The following KCNN2 variants were observed in gnomAD, a reference collection of about 807,000 sequenced individuals.
KCNN2 encodes the protein potassium calcium-activated channel subfamily N member 2.
KCNN2 carries 24 observed loss-of-function variants against 55.5 expected under a neutral mutation model. The observed-to-expected ratio is 0.43, with a 90% CI of 0.31 to 0.61. The LOEUF is 0.61. KCNN2 is among the 20% of genes least tolerant of loss of function. KCNN2 has a pLI of 0.08. For synonymous variants in KCNN2, 431 were observed against 336.1 expected (o/e 1.28, Z -3.09); for missense variants, 754 against 853.6 (o/e 0.88, Z 1.45).
Position 114,243,462 on chromosome 5 carries a change from G to A in KCNN2, c.-185+21897G>A, listed in dbSNP as rs138529400. ...GCAGTGTCTGGCCCCATCTTGCCCC[G>A]TACCTGAACCACCCCTTTGTCCAGC... On this transcript the variant is annotated intron_variant, in intron 2 of 10. Coordinates refer to the KCNN2 transcript ENST00000512097. Among the ~76,000 whole-genome samples, 20 of 139,532 alleles carry A rather than the reference G, an allele frequency of 1.4e-4. No individual in the cohort carries two copies. In the East Asian group the frequency reaches 3.1e-3, roughly 21 times the overall value. The allele number at this position is 139,532 out of a possible 152,430, so 91.5% of individuals were successfully genotyped here.
At chr5:114,183,299 C>T (rs1753272741) in intron 1 of KCNN2, among the ~76,000 whole-genome samples, 1 of 151,972 alleles carries the variant, frequency 6.6e-6, no homozygotes, top group Non-Finnish European at 1.5e-5. Flanking sequence ...TCATGACTGT[C>T]ATTGGTCCAT....
intron 2 of KCNN2, among the ~76,000 whole-genome samples, chr5:114,399,934 T>G (rs1758735873): frequency 6.6e-6 from 1 of 150,876 alleles, no homozygotes; most frequent in South Asian, 2.1e-4. Flanking sequence ...TTTTTTGTTT[T>G]TTTTTTTTGT....
At chr5:114,274,341 A>T (rs1755436411) in intron 2 of KCNN2, among the ~76,000 whole-genome samples, 1 of 26,690 alleles carries the variant, frequency 3.7e-5, no homozygotes, top group South Asian at 1.7e-3. Context: ...CTTCATATGA[A>T]GTTTAAAGTA....
At chr5:114,300,974 G>A (rs947807057) in intron 2 of KCNN2, among the ~76,000 whole-genome samples, 6 of 151,940 alleles carry the variant, frequency 3.9e-5, no homozygotes, top group Non-Finnish European at 8.8e-5. Context: ...AAATACAAGC[G>A]AAAGCTGAAA....
rs546423916 is a variant in KCNN2 at position 114,323,809 on chromosome 5, C to T, written c.-184-37136C>T. On this transcript the variant is annotated intron_variant, in intron 2 of 10. Coordinates refer to the KCNN2 transcript ENST00000512097. The stretch of plus-strand genomic sequence containing the variant: ...GACTACAGGCATGTGCCACCATGCC[C>T]AGCTAATTTTTGTAGTTTTAGTAGA... Among the ~76,000 whole-genome samples, 209 of 151,772 alleles carry T rather than the reference C, an allele frequency of 1.4e-3. 1 individual carries two copies. The highest frequency in any genetic ancestry group is 4.9e-3 in the African/African-American group (202 of 41,388).
intron 2 of KCNN2, among the ~76,000 whole-genome samples, chr5:114,384,846 G>A (rs554643865): frequency 1.3e-5 from 2 of 152,238 alleles, no homozygotes; most frequent in South Asian, 4.1e-4. Flanking sequence ...AAGGGAGTGG[G>A]AGCCTACGTG....
intron 2 of KCNN2, among the ~76,000 whole-genome samples, chr5:114,233,734 A>G (rs1270735843): frequency 6.6e-6 from 1 of 152,224 alleles, no homozygotes; most frequent in African/African-American, 2.4e-5. Context: ...CACAATGAGA[A>G]CACAATGAGA....
chr5:114,444,747 A>C (rs890190442), intron 3 of KCNN2, among the ~76,000 whole-genome samples: 11 of 152,144 alleles, frequency 7.2e-5, no homozygotes, highest in African/African-American at 2.7e-4. Context: ...ATGAGAGAGC[A>C]CCATTTGGGT....
At chr5:114,088,845 T>A (rs1259585942) in intron 1 of KCNN2, among the ~76,000 whole-genome samples, 1 of 152,174 alleles carries the variant, frequency 6.6e-6, no homozygotes, top group African/African-American at 2.4e-5. Context: ...GGTCTCGAAC[T>A]CCTGACCTCA....
chr5:114,382,316 C>T (rs988989923), intron 2 of KCNN2, among the ~76,000 whole-genome samples: 3 of 152,184 alleles, frequency 2.0e-5, no homozygotes, highest in African/African-American at 7.2e-5. Flanking sequence ...CCGTCAGTGT[C>T]ACCTCTTTCC....
At chr5:114,245,840 T>C (rs1195027203) in intron 2 of KCNN2, among the ~76,000 whole-genome samples, 1 of 152,226 alleles carries the variant, frequency 6.6e-6, no homozygotes, top group Admixed American at 6.5e-5. Context: ...ACATATCTTA[T>C]GTGCTAAGCC....
intron 1 of KCNN2, among the ~76,000 whole-genome samples, chr5:114,144,770 T>C (rs1408205588): frequency 2.7e-5 from 4 of 146,016 alleles, no homozygotes; most frequent in African/African-American, 1.0e-4. Flanking sequence ...GGATTCCATA[T>C]AGACAGTGTA....
intron 6 of KCNN2, chr5:114,490,652 C>G (rs952212715): frequency 3.3e-5 from 13 of 397,892 alleles, no homozygotes; most frequent in African/African-American, 6.2e-5. Context: ...AGTTTCTTTT[C>G]TTTTGTTTTG....
intron 2 of KCNN2, among the ~76,000 whole-genome samples, chr5:114,246,616 C>T (rs1754752899): frequency 6.6e-6 from 1 of 152,022 alleles, no homozygotes; most frequent in South Asian, 2.1e-4. Flanking sequence ...AGCTACTGTA[C>T]CTTTATTTAA....
At chr5:114,435,523 CACTCTAAACAAA>C (rs1759973293) in intron 3 of KCNN2, among the ~76,000 whole-genome samples, 3 of 151,890 alleles carry the variant, frequency 2.0e-5, no homozygotes, top group Admixed American at 2.0e-4. Context: ...GATTGTGTCT[CACTCTAAACAAA>C]ACTCCTTTTG....
chr5:114,381,314 G>C (rs1758118919), intron 2 of KCNN2, among the ~76,000 whole-genome samples: 1 of 152,180 alleles, frequency 6.6e-6, no homozygotes, highest in Non-Finnish European at 1.5e-5. Context: ...ATCATTGGTT[G>C]AAATCATTGC....
chr5:114,375,692 G>T (rs1457762), intron 2 of KCNN2, among the ~76,000 whole-genome samples: 59,787 of 151,476 alleles, frequency 0.39, 12,092 homozygotes, highest in African/African-American at 0.44. Flanking sequence ...TCATCAGTAG[G>T]ATTTTAGTCA....
At chr5:114,230,230 G>C (rs945730150) in intron 2 of KCNN2, among the ~76,000 whole-genome samples, 3 of 150,938 alleles carry the variant, frequency 2.0e-5, no homozygotes, top group African/African-American at 4.9e-5. Flanking sequence ...TCATTTCTGA[G>C]ATACTGACAA....
intron 1 of KCNN2, among the ~76,000 whole-genome samples, chr5:114,167,849 C>G (rs957236200): frequency 2.6e-5 from 4 of 152,068 alleles, no homozygotes; most frequent in African/African-American, 7.2e-5. Context: ...TTCAAGCAAC[C>G]ACTGAACTTC....
Sources: allele counts gnomAD v4.1 joint callset (sites outside exome capture counted in the v4.1 genomes callset), GRCh38; gene constraint gnomAD v4.1.1; transcripts MANE v1.5; gene names NCBI Gene and HGNC (gene_info 2026-07-23, HGNC 2026-07-21).